GEMIN8: variants seen among roughly 807,000 people sequenced by gnomAD.
GEMIN8 encodes gem nuclear organelle associated protein 8, also known as gem-associated protein 8.
For synonymous variants in GEMIN8, 80 were observed against 78.5 expected (o/e 1.02, Z -0.10); for missense variants, 185 against 205.9 (o/e 0.90, Z 0.62).
At chrX:14,016,848 A>ATATAT (rs1405538681) in intron 4 of GEMIN8, among the ~76,000 whole-genome samples, 3 of 71,127 alleles carry the variant, frequency 4.2e-5, no homozygotes, top group East Asian at 8.1e-4. Flanking sequence ...CTGTCTCAAA[A>ATATAT]AAAAAAAAAA....
At position 14,008,918 on chromosome X, in the gene GEMIN8, A is replaced by G; in HGVS notation, c.724T>C (p.Phe242Leu). 8.3e-7 allele frequency: 1 copy of G among 1,210,397 alleles called. No homozygotes were observed. Among genetic ancestry groups the G allele is most frequent in the Non-Finnish European group, 1.1e-6 (1 of 894,312 alleles). Reference protein sequence around the residue: ...PKYWPVIPLKF With the variant: ...PKYWPVIPLKL ...GGGTACCCTGTGCCCTGAGCTCAGA[A>G]CTTCAGGGGGATGACCGGCCAGTAC... Residue 242 changes from phenylalanine to leucine, a missense_variant, in exon 5 of 5, where the codon TTC becomes CTC. Phe to Leu is a conservative substitution (Grantham distance 22). Coordinates refer to ENST00000680255, the MANE Select transcript of GEMIN8 (RefSeq NM_001042479.2).
At chrX:14,002,288 G>A (rs1008899345), downstream of GEMIN8, among the ~76,000 whole-genome samples, 5 of 105,077 alleles carry the variant, frequency 4.8e-5, no homozygotes, top group East Asian at 1.5e-3. Context: ...AAATATAGAT[G>A]ATAGATATAC....
rs1603184168 is a variant in GEMIN8 at position 14,008,793 on chromosome X, T to C, written c.*120A>G. 1.4e-6 allele frequency: 1 copy of C among 694,830 alleles called. No homozygotes were observed. The allele number at this position is 694,830 out of a possible 1,213,427, so 57.3% of individuals were successfully genotyped here. On this transcript the variant is annotated 3_prime_UTR_variant, in exon 5 of 5. Transcript: ENST00000680255. ...CCCCGTGACAGGCCCACTGGGACTG[T>C]GGTGAACATGCCTGTACCCCAGTAC...
At chrX:14,024,930 C>T (rs1924597885) in intron 2 of GEMIN8, among the ~76,000 whole-genome samples, 1 of 111,651 alleles carries the variant, frequency 9.0e-6, no homozygotes, top group Non-Finnish European at 1.9e-5. Context: ...AAACTTGCTG[C>T]CATCTTCCAT....
intron 2 of GEMIN8, chrX:14,025,901 T>C (rs1378977952): frequency 6.9e-6 from 1 of 144,564 alleles, no homozygotes; most frequent in East Asian, 2.6e-4. Context: ...GAAGAGGTCC[T>C]CTTCTAGAGA....
intron 4 of GEMIN8, among the ~76,000 whole-genome samples, chrX:14,013,703 G>A (rs1050454813): frequency 2.7e-5 from 3 of 111,234 alleles, no homozygotes; most frequent in Non-Finnish European, 5.7e-5. Flanking sequence ...AACACCAGAA[G>A]TTGGAAGAGG....
intron 4 of GEMIN8, among the ~76,000 whole-genome samples, chrX:14,011,146 G>A (rs776554394): frequency 1.3e-3 from 146 of 112,067 alleles, no homozygotes; most frequent in Non-Finnish European, 2.3e-3. Context: ...GGGCATCTCT[G>A]TTTTTCTCCT....
Position 14,020,319 on chromosome X carries a change from A to G in GEMIN8, c.231T>C (p.Tyr77=). The G allele has an allele frequency of 1.7e-6, 2 of 1,208,414 alleles. No homozygotes were observed. The highest frequency in any genetic ancestry group is 2.2e-6 in the Non-Finnish European group (2 of 892,180). The change falls in exon 4 of 5, where the codon TAT becomes TAC. Residue 77 remains tyrosine, a synonymous_variant. Transcript: ENST00000680255. ...AGTCCTGCCAGGCCACATGATGGTC[A>G]TAGAAGGACTGAGGATACGCAGCCT... ...DNEAAYPQSF[Y]DHHVAWQDYP... is the part of the protein sequence containing the mutation.
At chrX:13,994,911 G>A in the GEMIN8 span, among the ~76,000 whole-genome samples, 2 of 112,121 alleles carry the variant, frequency 1.8e-5, no homozygotes, top group Non-Finnish European at 3.8e-5. Context: ...TATATGAAAG[G>A]GAGTTTATTA....
At chrX:13,993,138 A>G in the GEMIN8 span, among the ~76,000 whole-genome samples, 1 of 112,132 alleles carries the variant, frequency 8.9e-6, no homozygotes, top group African/African-American at 3.2e-5. Flanking sequence ...CTATAAACAT[A>G]TTTGTCTTGA....
Position 14,007,542 on chromosome X carries a change from C to CT in GEMIN8, c.*1370dup, listed in dbSNP as rs1219278598. Among the ~76,000 whole-genome samples, 26 of 104,872 alleles carry CT rather than the reference C, an allele frequency of 2.5e-4. No individual in the cohort carries two copies. Among genetic ancestry groups the CT allele is most frequent in the East Asian group, 2.9e-4 (1 of 3,400 alleles). The allele number at this position is 104,872 out of a possible 115,157, so 91.1% of individuals were successfully genotyped here. The stretch of plus-strand genomic sequence containing the variant: ...GTGACCAGGTTTGGGAATTATTGTT[C>CT]TTTTTTTTTTTTCTTTTGAGATGGA... On this transcript the variant is annotated 3_prime_UTR_variant, in exon 5 of 5. Transcript: ENST00000680255.
chrX:14,008,779 G>T lies in GEMIN8; in HGVS notation c.*134C>A. The T allele has an allele frequency of 1.7e-6, 1 of 603,715 alleles. No homozygotes were observed. The highest frequency in any genetic ancestry group is 2.7e-6 in the Non-Finnish European group (1 of 374,193). 49.8% of individuals were successfully genotyped at this position (603,715 alleles called of 1,213,427 possible). On this transcript the variant is annotated 3_prime_UTR_variant, in exon 5 of 5. Transcript: ENST00000680255. ...GCATAGTACATCCACCCCGTGACAG[G>T]CCCACTGGGACTGTGGTGAACATGC...
intron 2 of GEMIN8, among the ~76,000 whole-genome samples, chrX:14,025,055 TAA>T (rs1315559375): frequency 8.9e-6 from 1 of 112,082 alleles, no homozygotes; most frequent in Non-Finnish European, 1.9e-5. Flanking sequence ...TTTTACATTT[TAA>T]GTCTTTTTAA....
At chrX:14,000,612 T>C in the GEMIN8 span, among the ~76,000 whole-genome samples, 2 of 110,039 alleles carry the variant, frequency 1.8e-5, no homozygotes, top group African/African-American at 6.6e-5. Flanking sequence ...AAAAAAAATT[T>C]AAAAAAGATG....
At chrX:14,021,556 G>A in intron 2 of GEMIN8, 45 bp from the exon 3 acceptor site, 1 of 955,129 alleles carries the variant, frequency 1.0e-6, no homozygotes. Flanking sequence ...CAGTATGGCT[G>A]TGTGATATTT....
chrX:13,987,992 TTACAA>T, the GEMIN8 span, among the ~76,000 whole-genome samples: 644 of 111,592 alleles, frequency 5.8e-3, 10 homozygotes, highest in East Asian at 0.096. Flanking sequence ...GGAAAAATCT[TTACAA>T]TACCCTTTCC....
downstream of GEMIN8, among the ~76,000 whole-genome samples, chrX:14,004,284 C>T (rs1237403663): frequency 8.9e-6 from 1 of 112,161 alleles, no homozygotes; most frequent in Admixed American, 9.5e-5. Flanking sequence ...CATCATTGAA[C>T]ACTCCACAGT....
chrX:13,994,075 G>A, the GEMIN8 span, among the ~76,000 whole-genome samples: 662 of 111,853 alleles, frequency 5.9e-3, 11 homozygotes, highest in East Asian at 0.099. Context: ...AACTCTGGCT[G>A]TACAGGAATC....
chrX:13,994,480 C>CT, the GEMIN8 span, among the ~76,000 whole-genome samples: 1 of 112,477 alleles, frequency 8.9e-6, no homozygotes, highest in Non-Finnish European at 1.9e-5. Context: ...AGTTTTGTTA[C>CT]TTTAAAAATT....
Sources: allele counts gnomAD v4.1 joint callset (sites outside exome capture counted in the v4.1 genomes callset), GRCh38; gene constraint gnomAD v4.1.1; transcripts MANE v1.5; gene names NCBI Gene and HGNC (gene_info 2026-07-23, HGNC 2026-07-21).